SPAG9: variants seen among roughly 807,000 people sequenced by gnomAD.
SPAG9 encodes the protein C-Jun-amino-terminal kinase-interacting protein 4.
A neutral mutation model predicts 166.5 loss-of-function variants in SPAG9; 35 were observed. The observed-to-expected ratio is 0.21, with a 90% CI of 0.16 to 0.28. The LOEUF is 0.28. Among genes scored for constraint, SPAG9 ranks in the 10% least tolerant of loss-of-function variants. The pLI, the probability that SPAG9 is intolerant of heterozygous loss-of-function variation, is 1.00. For missense variants in SPAG9, 1,235 were observed against 1,603.3 expected, an observed-to-expected ratio of 0.77 and a Z score of 3.92; for synonymous variants, 534 against 565.5, an observed-to-expected ratio of 0.94 and a Z score of 0.79.
At chr17:50,997,607 T>C (rs2044735533) in intron 15 of SPAG9, among the ~76,000 whole-genome samples, 1 of 152,216 alleles carries the variant, frequency 6.6e-6, no homozygotes, top group Non-Finnish European at 1.5e-5. Flanking sequence ...TGAGTTGCTA[T>C]GTATATATAC....
chr17:51,027,887 TAGA>T (rs1241595026), intron 6 of SPAG9, among the ~76,000 whole-genome samples: 2 of 152,168 alleles, frequency 1.3e-5, no homozygotes, highest in South Asian at 4.1e-4. Flanking sequence ...GGAAGTACTC[TAGA>T]AGAAGGCACT....
intron 12 of SPAG9, among the ~76,000 whole-genome samples, chr17:51,002,724 TC>T (rs1170208699): frequency 6.6e-6 from 1 of 151,758 alleles, no homozygotes; most frequent in Non-Finnish European, 1.5e-5. Flanking sequence ...ACCACTGCAG[TC>T]CAACCTGGGC....
chr17:51,006,038 C>T (rs1387741827), intron 11 of SPAG9, 47 bp downstream of exon 11: 2 of 1,597,662 alleles, frequency 1.3e-6, no homozygotes, highest in Non-Finnish European at 1.7e-6. Flanking sequence ...CCCTTTGTGG[C>T]ATAACTGGCA....
chr17:51,010,201 C>CTACA (rs1161094023), intron 9 of SPAG9, among the ~76,000 whole-genome samples: 1 of 152,042 alleles, frequency 6.6e-6, no homozygotes, highest in Non-Finnish European at 1.5e-5. Flanking sequence ...TTATCTAGTT[C>CTACA]TACATGTGTG....
rs556954304 is a variant in SPAG9 at position 50,965,480 on chromosome 17, T to A, written c.*792A>T. ...TTAAAAAATCCTCCCAGTGCTGAAG[T>A]ATCTTCTAAGCTTCCCAGAGTATGT... On this transcript the variant is annotated 3_prime_UTR_variant, in exon 30 of 30. Transcript: ENST00000262013. 3.9e-4 allele frequency: 60 copies of A among 152,304 alleles called. No individual in the cohort carries two copies. The highest frequency in any genetic ancestry group is 3.9e-3 in the Admixed American group (60 of 15,292). 9.4% of individuals were successfully genotyped at this position (152,304 alleles called of 1,614,324 possible). A position where few individuals can be genotyped will look rare whatever the true frequency, so the allele number is the denominator to read the frequency against.
At chr17:50,996,867 C>T (rs1441135153) in intron 15 of SPAG9, among the ~76,000 whole-genome samples, 173 bp from the exon 16 acceptor site, 1 of 152,164 alleles carries the variant, frequency 6.6e-6, no homozygotes, top group Admixed American at 6.5e-5. Flanking sequence ...AGGCCGGGCA[C>T]GGTGGCTCAT....
At chr17:51,047,305 A>C (rs2047052671) in intron 4 of SPAG9, 70 bp downstream of exon 4, 1 of 890,252 alleles carries the variant, frequency 1.1e-6, no homozygotes, top group Non-Finnish European at 1.7e-6. Context: ...ATTAAAGAAC[A>C]GAGAAAAACA....
intron 9 of SPAG9, among the ~76,000 whole-genome samples, chr17:51,013,851 T>C (rs531674682): frequency 1.3e-4 from 20 of 152,284 alleles, no homozygotes; most frequent in African/African-American, 4.8e-4. Context: ...ATGAAATTTA[T>C]GTAAGCCAGG....
At chr17:51,106,610 A>G (rs972561141) in intron 1 of SPAG9, among the ~76,000 whole-genome samples, 1 of 152,056 alleles carries the variant, frequency 6.6e-6, no homozygotes, top group Admixed American at 6.6e-5. Context: ...CAGCCTGGCC[A>G]ACATGGTGAA....
chr17:51,091,846 CTT>C (rs1308360448), intron 1 of SPAG9, among the ~76,000 whole-genome samples: 1 of 151,546 alleles, frequency 6.6e-6, no homozygotes, highest in Non-Finnish European at 1.5e-5. Flanking sequence ...ACAATACAGA[CTT>C]ATGTCAGGAT....
intron 8 of SPAG9, among the ~76,000 whole-genome samples, chr17:51,019,369 A>G (rs11658529): frequency 0.24 from 36,604 of 151,946 alleles, 5,264 homozygotes; most frequent in Admixed American, 0.34. Flanking sequence ...CCTGGCCAAC[A>G]TGGCAAAACC....
chr17:51,095,689 TATATATATAGTG>T (rs1206650744), intron 1 of SPAG9, among the ~76,000 whole-genome samples: 17 of 148,616 alleles, frequency 1.1e-4, no homozygotes, highest in African/African-American at 1.5e-4. Context: ...TATATAGTGA[TATATATATAGTG>T]ATATATATAG....
At chr17:50,990,150 C>T (rs1170369518) in intron 20 of SPAG9, 1 of 521,662 alleles carries the variant, frequency 1.9e-6, no homozygotes, top group African/African-American at 1.9e-5. Context: ...GCCTCAGCCT[C>T]CCGAGTAGCT....
At chr17:51,024,792 G>A (rs8077385) in intron 6 of SPAG9, among the ~76,000 whole-genome samples, 10,736 of 151,518 alleles carry the variant, frequency 0.071, 404 homozygotes, top group Non-Finnish European at 0.09. Context: ...CACAAGAATC[G>A]CTTGAATGGC....
At chr17:51,050,368 T>C (rs1249211553) in intron 3 of SPAG9, among the ~76,000 whole-genome samples, 1 of 152,222 alleles carries the variant, frequency 6.6e-6, no homozygotes, top group Non-Finnish European at 1.5e-5. Context: ...TTTTTCTCCA[T>C]TTAATCCTCA....
intron 1 of SPAG9, among the ~76,000 whole-genome samples, chr17:51,104,857 T>C (rs1598189698): frequency 7.4e-6 from 1 of 135,126 alleles, no homozygotes; most frequent in African/African-American, 2.8e-5. Flanking sequence ...GGCGTGAACC[T>C]GGGAGGCGGA....
intron 8 of SPAG9, among the ~76,000 whole-genome samples, chr17:51,019,939 T>C (rs1213023142): frequency 1.3e-5 from 2 of 152,240 alleles, no homozygotes; most frequent in South Asian, 2.1e-4. Context: ...ACACCATCCT[T>C]CCTGCTCATA....
intron 1 of SPAG9, among the ~76,000 whole-genome samples, chr17:51,114,792 A>C (rs907644377): frequency 2.0e-5 from 3 of 152,084 alleles, no homozygotes; most frequent in African/African-American, 7.2e-5. Flanking sequence ...TCTCTACTGA[A>C]AATACAAAAA....
intron 6 of SPAG9, among the ~76,000 whole-genome samples, chr17:51,023,862 T>G (rs1428149954): frequency 6.6e-6 from 1 of 152,210 alleles, no homozygotes; most frequent in Non-Finnish European, 1.5e-5. Context: ...GACGGAGTTT[T>G]GCCACGCTGC....
Sources: allele counts gnomAD v4.1 joint callset (sites outside exome capture counted in the v4.1 genomes callset), GRCh38; gene constraint gnomAD v4.1.1; transcripts MANE v1.5; gene names NCBI Gene and HGNC (gene_info 2026-07-23, HGNC 2026-07-21).